PIWIL2: variants seen among roughly 807,000 people sequenced by gnomAD.
The protein encoded by PIWIL2 is piwi like RNA-mediated gene silencing 2, also known as piwi-like protein 2.
In PIWIL2, 81 loss-of-function variants were observed where a neutral mutation model predicts 116.5. The ratio of observed to expected loss-of-function variants is 0.70; its 90% CI spans 0.58 to 0.84. The LOEUF (loss-of-function observed/expected upper bound fraction) is 0.84. PIWIL2 is among the 40% of genes least tolerant of loss of function. The pLI, the probability that PIWIL2 is intolerant of heterozygous loss-of-function variation, is 0.00. For synonymous variants in PIWIL2, 489 were observed against 429.5 expected, an observed-to-expected ratio of 1.14 and a Z score of -1.71; for missense variants, 1,272 against 1,212.3, an observed-to-expected ratio of 1.05 and a Z score of -0.73.
At chr8:22,331,113 T>C (rs1379935716) in intron 20 of PIWIL2, among the ~76,000 whole-genome samples, 1 of 152,018 alleles carries the variant, frequency 6.6e-6, no homozygotes, top group African/African-American at 2.4e-5. Context: ...GAGGTGGAGG[T>C]TGCAGTGAGC....
rs751496636 is a variant in PIWIL2, at chr8:22,318,251, G to T, written c.2379G>T (p.Val793=). The T allele has an allele frequency of 1.9e-6, 3 of 1,609,198 alleles. No individual in the cohort carries two copies. In the South Asian group the frequency reaches 3.3e-5, roughly 18 times the overall value. The part of the protein sequence containing the change: ...EIVDSLKLCL[V]GSLKKFYEVN... Reference sequence around the variant, plus strand: ...TGGACAGCCTGAAGCTATGCCTCGTGGGCTCCTTAAAAAAGTTTTATGAGG... The same window carrying T: ...TGGACAGCCTGAAGCTATGCCTCGTTGGCTCCTTAAAAAAGTTTTATGAGG... The change falls in exon 20 of 23, where the codon GTG becomes GTT. Residue 793 remains valine (V), a synonymous_variant. Transcript: ENST00000356766.
chr8:22,286,967 C>A (rs1830642770), intron 6 of PIWIL2, among the ~76,000 whole-genome samples: 1 of 151,564 alleles, frequency 6.6e-6, no homozygotes, highest in South Asian at 2.1e-4. Flanking sequence ...CCCTTATAGT[C>A]CCAGTTACTT....
chr8:22,318,997 C>T (rs937861506), intron 20 of PIWIL2, among the ~76,000 whole-genome samples: 3 of 152,146 alleles, frequency 2.0e-5, no homozygotes, highest in African/African-American at 4.8e-5. Context: ...AATCACCCCT[C>T]GAACTCTAAA....
intron 4 of PIWIL2, among the ~76,000 whole-genome samples, chr8:22,282,068 C>T (rs1403302854): frequency 9.4e-5 from 12 of 128,252 alleles, no homozygotes; most frequent in African/African-American, 3.7e-4. Flanking sequence ...CCCCACTGTG[C>T]GTGGACTTTT....
At chr8:22,338,723 TAAC>T (rs561392964) in intron 20 of PIWIL2, among the ~76,000 whole-genome samples, 197 of 142,490 alleles carry the variant, frequency 1.4e-3, no homozygotes, top group African/African-American at 4.4e-3. Flanking sequence ...AATAAATAAA[TAAC>T]AACATTTATG....
intron 10 of PIWIL2, among the ~76,000 whole-genome samples, chr8:22,292,431 A>G (rs1830787968): frequency 6.6e-6 from 1 of 152,232 alleles, no homozygotes; most frequent in South Asian, 2.1e-4. Flanking sequence ...GGACATCTGT[A>G]TTTTGAAAGT....
intron 10 of PIWIL2, among the ~76,000 whole-genome samples, chr8:22,296,020 CTTTTTTTTTT>C (rs67357452): frequency 2.9e-5 from 3 of 102,846 alleles, no homozygotes; most frequent in Admixed American, 1.0e-4. Flanking sequence ...CTCTTCCCTT[CTTTTTTTTTT>C]TTTTTTTTTT....
chr8:22,322,784 G>A (rs904680212), intron 20 of PIWIL2, among the ~76,000 whole-genome samples: 3 of 151,264 alleles, frequency 2.0e-5, no homozygotes, highest in South Asian at 2.1e-4. Flanking sequence ...TAAGTGATCC[G>A]CCTGCCTTGG....
At chr8:22,286,813 G>T (rs949375222) in intron 6 of PIWIL2, among the ~76,000 whole-genome samples, 6 of 151,912 alleles carry the variant, frequency 3.9e-5, no homozygotes, top group African/African-American at 1.5e-4. Context: ...TAGTAGAACA[G>T]GGTTTCACCG....
In PIWIL2 at chr8:22,322,633, C is replaced by G. The variant is rs544381190; in HGVS notation, c.2403+4358C>G. Among the ~76,000 whole-genome samples the G allele has an allele frequency of 5.3e-5, 8 of 151,492 alleles. No individual in the cohort carries two copies. In the East Asian group the frequency reaches 1.5e-3, roughly 29 times the overall value. On this transcript the variant is annotated intron_variant, in intron 20 of 22. Transcript: ENST00000356766. ...CCCATCTTGTCCTGTCCTGTCCTTT[C>G]CTTTCCTTGTCCTGTCCTTGTCCTG... is the stretch of plus-strand genomic sequence containing the variant.
chr8:22,337,820 C>A (rs992692834), intron 20 of PIWIL2, among the ~76,000 whole-genome samples: 1 of 152,016 alleles, frequency 6.6e-6, no homozygotes, highest in Non-Finnish European at 1.5e-5. Context: ...CTAGGCCAGG[C>A]GCAGTGACTC....
At chr8:22,308,587 A>C (rs2132038604) in intron 14 of PIWIL2, among the ~76,000 whole-genome samples, 1 of 152,220 alleles carries the variant, frequency 6.6e-6, no homozygotes, top group East Asian at 1.9e-4. Context: ...CGGGAGGTGG[A>C]GGTTGCAGTG....
intron 13 of PIWIL2, among the ~76,000 whole-genome samples, 171 bp downstream of exon 13, chr8:22,306,187 T>C (rs1335923573): frequency 6.6e-6 from 1 of 152,210 alleles, no homozygotes; most frequent in Non-Finnish European, 1.5e-5. Flanking sequence ...ACATGATCCA[T>C]GTCCCTTCCC....
At chr8:22,300,684 A>C (rs1831025424) in intron 10 of PIWIL2, among the ~76,000 whole-genome samples, 1 of 152,210 alleles carries the variant, frequency 6.6e-6, no homozygotes, top group South Asian at 2.1e-4. Flanking sequence ...TCTTAATTTT[A>C]GAAATTTTAA....
At chr8:22,279,226 A>G (rs1481634431) in intron 1 of PIWIL2, 115 bp from the exon 2 acceptor site, 2 of 619,616 alleles carry the variant, frequency 3.2e-6, no homozygotes, top group South Asian at 3.8e-5. Flanking sequence ...AATATGTTGT[A>G]GAAGGCTAGG....
At chr8:22,305,684 C>G (rs1289735418) in intron 12 of PIWIL2, among the ~76,000 whole-genome samples, 1 of 151,846 alleles carries the variant, frequency 6.6e-6, no homozygotes, top group East Asian at 1.9e-4. Context: ...CTAGTTTTTA[C>G]TCTCCTTTGA....
At chr8:22,306,563 G>A (rs991435068) in intron 13 of PIWIL2, among the ~76,000 whole-genome samples, 4 of 152,118 alleles carry the variant, frequency 2.6e-5, no homozygotes, top group Admixed American at 6.5e-5. Context: ...CCTAGGTGGC[G>A]TGAGTCCAGA....
intron 10 of PIWIL2, among the ~76,000 whole-genome samples, chr8:22,294,899 G>GAA (rs375806332): frequency 0.36 from 28,262 of 79,000 alleles, 7,815 homozygotes; most frequent in East Asian, 0.69. Context: ...CATCTTTACT[G>GAA]GAAAAAAAAA....
intron 6 of PIWIL2, among the ~76,000 whole-genome samples, chr8:22,284,778 T>C (rs755308476): frequency 6.6e-6 from 1 of 152,056 alleles, no homozygotes; most frequent in Non-Finnish European, 1.5e-5. Context: ...TGAAGGAAGA[T>C]AACTGCAGTT....
Sources: allele counts gnomAD v4.1 joint callset (sites outside exome capture counted in the v4.1 genomes callset), GRCh38; gene constraint gnomAD v4.1.1; transcripts MANE v1.5; gene names NCBI Gene and HGNC (gene_info 2026-07-23, HGNC 2026-07-21).